Variants in SMARCB1 observed in about 807,000 individuals in gnomAD.
SMARCB1 encodes the protein SWI/SNF-related matrix-associated actin-dependent regulator of chromatin subfamily B member 1.
SMARCB1 carries 5 observed loss-of-function variants against 49.0 expected under a neutral mutation model. The ratio of observed to expected loss-of-function variants is 0.10; its 90% CI spans 0.05 to 0.21. The LOEUF (loss-of-function observed/expected upper bound fraction) is 0.21. Ranked by LOEUF, SMARCB1 falls within the 10% of genes least tolerant of loss-of-function variation. The pLI is 1.00. For synonymous variants in SMARCB1, 201 were observed against 200.1 expected (o/e 1.00, Z -0.04); for missense variants, 226 against 509.2 (o/e 0.44, Z 5.35).
chr22:23,798,919 G>A (rs2145974372), intron 3 of SMARCB1, among the ~76,000 whole-genome samples: 1 of 152,190 alleles, frequency 6.6e-6, no homozygotes, highest in East Asian at 1.9e-4. Context: ...GCGTGGTGGT[G>A]GGCGCCTGTA....
chr22:23,799,589 T>C (rs1929003990), intron 3 of SMARCB1, among the ~76,000 whole-genome samples: 1 of 145,910 alleles, frequency 6.9e-6, no homozygotes, highest in East Asian at 2.1e-4. Flanking sequence ...CTCGGCTCAC[T>C]GCAACTTCTG....
chr22:23,817,433 C>T (rs2073395), intron 6 of SMARCB1: 20,431 of 168,294 alleles, frequency 0.12, 1,365 homozygotes, highest in South Asian at 0.26. Context: ...TGTGCTGAGC[C>T]GCCACTGCCA....
rs774798429 is a variant in SMARCB1, at chr22:23,837,119, C to T, written c.*2939C>T. 3.1e-6 allele frequency: 5 copies of T among 1,614,002 alleles called. No individual in the cohort carries two copies. The Admixed American group carries it at 6.7e-5, about 22-fold the overall frequency. ...CCTCCAGGCTGGTTGGGGAAGACGT[C>T]CTCCAGGAAGTAGTAGATATGGCCC... On this transcript the variant is annotated 3_prime_UTR_variant, in exon 9 of 9. Transcript: ENST00000644036.
chr22:23,791,534 C>T (rs929306103), intron 1 of SMARCB1, among the ~76,000 whole-genome samples: 1 of 152,328 alleles, frequency 6.6e-6, no homozygotes, highest in Admixed American at 6.5e-5. Flanking sequence ...CCAGGCCTTT[C>T]GGAACTTGGT....
At chr22:23,788,406 C>G (rs1037656800) in intron 1 of SMARCB1, among the ~76,000 whole-genome samples, 2 of 152,154 alleles carry the variant, frequency 1.3e-5, no homozygotes, top group Non-Finnish European at 2.9e-5. Flanking sequence ...CATATTCCAG[C>G]ATTTTATTCG....
intron 6 of SMARCB1, chr22:23,824,553 AGTCTGTG>A: frequency 1.4e-4 from 21 of 152,056 alleles, no homozygotes; most frequent in Admixed American, 6.5e-4. Flanking sequence ...CCTGGGGTAC[AGTCTGTG>A]TTCTCTCAGC....
chr22:23,837,627 C>T lies in SMARCB1; in HGVS notation c.*3447C>T, dbSNP rs1165208977. On this transcript the variant is annotated 3_prime_UTR_variant, in exon 9 of 9. Transcript: ENST00000644036. ...GCGTGTCCTGAGGGGAGTGGCCAGC[C>T]TGGGGCGGACTAGATGTACCGGGAG... The T allele has an allele frequency of 1.3e-6, 2 of 1,599,858 alleles. No individual in the cohort carries two copies. The highest frequency in any genetic ancestry group is 1.7e-6 in the Non-Finnish European group (2 of 1,171,174).
At chr22:23,823,645 G>GGTGGCCCGCACGTAT (rs2030222263) in intron 6 of SMARCB1, 1 of 152,166 alleles carries the variant, frequency 6.6e-6, no homozygotes, top group African/African-American at 2.4e-5. Context: ...AAGAAAATAG[G>GGTGGCCCGCACGTAT]AGAGGTGCCA....
intron 7 of SMARCB1, among the ~76,000 whole-genome samples, chr22:23,832,897 C>A (rs547509543): frequency 6.6e-6 from 1 of 152,310 alleles, no homozygotes; most frequent in South Asian, 2.1e-4. Flanking sequence ...TACCTCGGGG[C>A]AGATTTGGGT....
intron 6 of SMARCB1, chr22:23,824,974 C>A: frequency 1.8e-6 from 1 of 567,878 alleles, no homozygotes; most frequent in Non-Finnish European, 3.2e-6. Flanking sequence ...GACTCAGGTG[C>A]CCCCGGGGTC....
chr22:23,833,772 T>C (rs776854333), intron 8 of SMARCB1, 69 bp downstream of exon 8: 3 of 1,552,102 alleles, frequency 1.9e-6, no homozygotes, highest in Non-Finnish European at 1.8e-6. Context: ...GGCAGGGCCA[T>C]TGCCTTTCCC....
chr22:23,799,679 A>ATTT lies in SMARCB1; in HGVS notation c.363-1244_363-1242dup, dbSNP rs71184912. Among the ~76,000 whole-genome samples the ATTT allele has an allele frequency of 3.0e-3, 206 of 68,410 alleles. 16 individuals are homozygous for ATTT. Among genetic ancestry groups the ATTT allele is most frequent in the African/African-American group, 0.011 (193 of 17,190 alleles). The allele number at this position is 68,410 out of a possible 152,430, so 44.9% of individuals were successfully genotyped here. On this transcript the variant is annotated intron_variant, in intron 3 of 8. Coordinates refer to ENST00000644036, the MANE Select transcript of SMARCB1 (RefSeq NM_003073.5). ...AGGTTCCTGCCATCACACCTGGCTA[A>ATTT]TTTTTTTTTTTTTTTTTTTTTTTGA...
chr22:23,834,920 G>C lies in SMARCB1; in HGVS notation c.*740G>C, dbSNP rs1414416906. On this transcript the variant is annotated 3_prime_UTR_variant, in exon 9 of 9. Transcript: ENST00000644036. ...GGCTACTGCCAGCTGGGGCCTTGCTGCTCTGAAGTCCCCTGCGGAGGGCCC... is the reference window on the plus strand; with the variant it reads ...GGCTACTGCCAGCTGGGGCCTTGCTCCTCTGAAGTCCCCTGCGGAGGGCCC... 6.2e-7 allele frequency: 1 copy of C among 1,610,048 alleles called. No individual in the cohort carries two copies. The highest frequency in any genetic ancestry group is 8.5e-7 in the Non-Finnish European group (1 of 1,179,304).
At chr22:23,833,077 G>C (rs2030744366) in intron 7 of SMARCB1, among the ~76,000 whole-genome samples, 1 of 152,218 alleles carries the variant, frequency 6.6e-6, no homozygotes, top group African/African-American at 2.4e-5. Context: ...AGGCTGTGCA[G>C]TGGCCCTCAG....
At chr22:23,792,456 G>A in intron 2 of SMARCB1, 1 of 229,616 alleles carries the variant, frequency 4.4e-6, no homozygotes, top group Non-Finnish European at 8.8e-6. Context: ...CTCTGTGCAG[G>A]GTGAAAGGGT....
intron 3 of SMARCB1, among the ~76,000 whole-genome samples, chr22:23,799,195 T>C (rs745499321): frequency 1.8e-4 from 28 of 151,632 alleles, no homozygotes; most frequent in Admixed American, 1.3e-4. Flanking sequence ...CCAGGGAAAA[T>C]GGAAAAGCAC....
chr22:23,798,466 A>G (rs1399569946), intron 3 of SMARCB1, among the ~76,000 whole-genome samples: 2 of 152,158 alleles, frequency 1.3e-5, no homozygotes, highest in African/African-American at 4.8e-5. Context: ...TGACCCAGAT[A>G]GGTTGTAGAG....
At chr22:23,825,444 C>T in intron 7 of SMARCB1, 29 bp downstream of exon 7, 1 of 1,590,422 alleles carries the variant, frequency 6.3e-7, no homozygotes, top group Non-Finnish European at 8.6e-7. Context: ...CTCTCCCTCC[C>T]TCATCTCCCT....
At chr22:23,831,674 C>T (rs970027439) in intron 7 of SMARCB1, among the ~76,000 whole-genome samples, 3 of 152,152 alleles carry the variant, frequency 2.0e-5, no homozygotes, top group Non-Finnish European at 4.4e-5. Context: ...AACAAAGGAC[C>T]CTCTGGGACC....
Sources: allele counts gnomAD v4.1 joint callset (sites outside exome capture counted in the v4.1 genomes callset), GRCh38; gene constraint gnomAD v4.1.1; transcripts MANE v1.5; gene names NCBI Gene and HGNC (gene_info 2026-07-23, HGNC 2026-07-21).